The following PPL variants were observed in gnomAD, a reference collection of about 807,000 sequenced individuals.
PPL encodes the protein periplakin.
A neutral mutation model predicts 194.4 loss-of-function variants in PPL; 198 were observed. That is an observed-to-expected ratio of 1.02 (90% CI 0.91 to 1.15). PPL has a LOEUF of 1.15. PPL is among the 50% of genes most tolerant of loss of function. PPL has a pLI of 0.00. For missense variants in PPL, 2,885 were observed against 2,294.8 expected, an observed-to-expected ratio of 1.26 and a Z score of -5.25; for synonymous variants, 1,220 against 972.4, an observed-to-expected ratio of 1.25 and a Z score of -4.74.
At chr16:4,936,838 T>C (rs2089306157) in intron 1 of PPL, 146 bp downstream of exon 1, 2 of 758,010 alleles carry the variant, frequency 2.6e-6, no homozygotes. Context: ...CGGTCCCGCG[T>C]TCCCGAGAGT....
rs1042195093 is a variant in PPL, at chr16:4,889,016, T to C, written c.2359A>G (p.Ile787Val). The C allele has an allele frequency of 1.2e-6, 2 of 1,613,616 alleles. No individual in the cohort carries two copies. The highest frequency in any genetic ancestry group is 2.7e-5 in the African/African-American group (2 of 74,892). ...IASREQEVQK[I>V]CANSQQYQQA... is the part of the protein sequence containing the mutation. ...TGGTACTGCTGGGAATTGGCACAGA[T>C]CTTCTGTACTTCCTGCTCCCTACTT... is the stretch of plus-strand genomic sequence containing the variant. Residue 787 changes from isoleucine to valine, a missense_variant, in exon 19 of 22, where the codon ATC (isoleucine) becomes GTC (valine). Transcript: ENST00000345988.
chr16:4,883,767 CTTTG>C lies in PPL; in HGVS notation c.4884_4887del (p.Asp1628GlufsTer31). ...TTCTGCAGCTCGTCGATCTCGAGGT[CTTTG>C]TCCTTGGAGAGCCTCTTGAGGTCAT... On this transcript the variant is annotated frameshift_variant, in exon 22 of 22. Coordinates refer to ENST00000345988, the MANE Select transcript of PPL (RefSeq NM_002705.5). LOFTEE classifies it high-confidence loss of function. This position sits in a 1 kb window ranked among gnomAD's most constrained non-coding sequence, Gnocchi z 4.8. The C allele has an allele frequency of 6.2e-7, 1 of 1,614,098 alleles. No homozygotes were observed. The highest frequency in any genetic ancestry group is 2.2e-5 in the East Asian group (1 of 44,876).
At chr16:4,907,301 T>G (rs1423324122) in intron 2 of PPL, among the ~76,000 whole-genome samples, 2 of 140,966 alleles carry the variant, frequency 1.4e-5, no homozygotes, top group Non-Finnish European at 3.0e-5. Flanking sequence ...GACTGATATA[T>G]CTAATCTCAC....
intron 13 of PPL, 57 bp from the exon 14 acceptor site, chr16:4,893,427 C>G (rs2088358215): frequency 1.3e-6 from 2 of 1,593,066 alleles, no homozygotes; most frequent in Non-Finnish European, 1.7e-6. Context: ...GTGTGAGGCC[C>G]AGGGATGGAC....
chr16:4,893,716 GGC>G, intron 12 of PPL, 78 bp from the exon 13 acceptor site: 2 of 1,272,936 alleles, frequency 1.6e-6, no homozygotes, highest in Non-Finnish European at 2.2e-6. Context: ...TGCGGACTCT[GGC>G]TGGGCAGACA....
intron 6 of PPL, among the ~76,000 whole-genome samples, chr16:4,900,056 A>C (rs1160288224): frequency 6.6e-6 from 1 of 152,112 alleles, no homozygotes; most frequent in Non-Finnish European, 1.5e-5. Context: ...AGGCTAAGTA[A>C]CTCGCTCAAG....
At chr16:4,898,504 C>T (rs1357794283) in intron 8 of PPL, among the ~76,000 whole-genome samples, 1 of 152,090 alleles carries the variant, frequency 6.6e-6, no homozygotes, top group Non-Finnish European at 1.5e-5. Flanking sequence ...TGACTGATAT[C>T]CTTATAAGAA....
rs1296460086 is a variant in PPL, at chr16:4,885,421, C to A, written c.3234G>T (p.Gln1078His). The A allele has an allele frequency of 6.2e-7, 1 of 1,612,638 alleles. No individual in the cohort carries two copies. Among genetic ancestry groups the A allele is most frequent in the Non-Finnish European group, 8.5e-7 (1 of 1,179,998 alleles). The change falls in exon 22 of 22, where the codon CAG becomes CAT. Residue 1078 changes from glutamine to histidine, a missense_variant. Coordinates refer to ENST00000345988, the MANE Select transcript of PPL (RefSeq NM_002705.5). This position sits in a 1 kb window ranked among gnomAD's most constrained non-coding sequence, Gnocchi z 6.3. ...AEYQQLQEDH[Q>H]RQDQLREKQE... ...GCTTCTCCCTGAGCTGGTCCTGGCG[C>A]TGGTGGTCCTCCTGCAGCTGCTGGT... is the stretch of plus-strand genomic sequence containing the variant.
intron 1 of PPL, among the ~76,000 whole-genome samples, chr16:4,915,887 C>T (rs1385321284): frequency 2.0e-5 from 3 of 152,160 alleles, no homozygotes; most frequent in Non-Finnish European, 4.4e-5. Flanking sequence ...AATTAGATGG[C>T]AGAGCCAGGA....
intron 2 of PPL, among the ~76,000 whole-genome samples, chr16:4,905,795 G>T (rs566663084): frequency 5.3e-5 from 8 of 152,294 alleles, no homozygotes; most frequent in African/African-American, 1.4e-4. Flanking sequence ...GGTTGGAGAT[G>T]AGGCTGATGT....
Position 4,890,718 on chromosome 16 carries a change from G to A in PPL, c.2162+10C>T, listed in dbSNP as rs781328793. 1.9e-5 allele frequency: 30 copies of A among 1,597,056 alleles called. No individual in the cohort carries two copies. The highest frequency in any genetic ancestry group is 9.0e-5 in the East Asian group (4 of 44,468). On this transcript the variant is annotated intron_variant, in intron 17 of 21. Coordinates refer to ENST00000345988, the MANE Select transcript of PPL (RefSeq NM_002705.5). ...AAAACAAAAATGGCCACCACCCACC[G>A]CACCCTCACCTGCGTTCCACCTGCT...
At chr16:4,900,042 C>T (rs1335429400) in intron 6 of PPL, among the ~76,000 whole-genome samples, 1 of 152,054 alleles carries the variant, frequency 6.6e-6, no homozygotes, top group Non-Finnish European at 1.5e-5. Context: ...ACTGAGGCTC[C>T]CGGAGGCTAA....
At chr16:4,908,447 A>T (rs865898929) in intron 2 of PPL, among the ~76,000 whole-genome samples, 43 of 124,168 alleles carry the variant, frequency 3.5e-4, no homozygotes, top group East Asian at 7.9e-4. Flanking sequence ...TCTCTCTCTC[A>T]CACACATACA....
intron 14 of PPL, chr16:4,892,617 C>T (rs781631967): frequency 4.5e-5 from 8 of 176,892 alleles, no homozygotes; most frequent in South Asian, 1.7e-4. Flanking sequence ...CACCCGAGAC[C>T]GGCATCCTCT....
At chr16:4,932,959 G>T (rs922312906) in intron 1 of PPL, among the ~76,000 whole-genome samples, 1 of 151,556 alleles carries the variant, frequency 6.6e-6, no homozygotes, top group Admixed American at 6.6e-5. Context: ...CAGAGCTGCG[G>T]CCTGAACTCA....
chr16:4,923,856 C>T lies in PPL; in HGVS notation c.63-12907G>A, dbSNP rs144640705. On this transcript the variant is annotated intron_variant, in intron 1 of 21. Transcript: ENST00000345988. Reference sequence around the variant, plus strand: ...ATAACTGGGTTTCATCCTCTTCCTCCGTGTCACTGGTGGGGGCCTTGCCAG... The same window carrying T: ...ATAACTGGGTTTCATCCTCTTCCTCTGTGTCACTGGTGGGGGCCTTGCCAG... Among the ~76,000 whole-genome samples, 1,028 of 152,114 alleles carry T rather than the reference C, an allele frequency of 6.8e-3. 14 individuals are homozygous for T. The highest frequency in any genetic ancestry group is 0.023 in the African/African-American group (943 of 41,508).
intron 21 of PPL, among the ~76,000 whole-genome samples, chr16:4,886,742 C>T (rs2088226067): frequency 6.6e-6 from 1 of 152,230 alleles, no homozygotes; most frequent in Non-Finnish European, 1.5e-5. Context: ...CCTCAGTCTC[C>T]TGAGTAGCTG....
intron 13 of PPL, 32 bp downstream of exon 13, chr16:4,893,509 C>G: frequency 6.2e-7 from 1 of 1,608,822 alleles, no homozygotes; most frequent in Non-Finnish European, 8.5e-7. Context: ...CCGGTACCCC[C>G]AGAGCCTCAG....
At chr16:4,935,164 C>T (rs2089280469) in intron 1 of PPL, among the ~76,000 whole-genome samples, 1 of 152,206 alleles carries the variant, frequency 6.6e-6, no homozygotes, top group Non-Finnish European at 1.5e-5. Context: ...CTCCCAGTCC[C>T]TGCAGCTATA....
Sources: gnomAD v4.1 joint callset for allele counts (sites outside exome capture counted in the v4.1 genomes callset) on GRCh38, gnomAD v4.1.1 for gene constraint, Gnocchi (gnomAD v3.1) non-coding constraint, MANE v1.5 for transcripts, NCBI Gene and HGNC (gene_info 2026-07-23, HGNC 2026-07-21) for gene names.